PPP1R16B: variants seen among roughly 807,000 people sequenced by gnomAD.
PPP1R16B encodes protein phosphatase 1 regulatory subunit 16B, also known as protein phosphatase 1 regulatory inhibitor subunit 16B.
In PPP1R16B, 14 loss-of-function variants were observed where a neutral mutation model predicts 61.7. The ratio of observed to expected loss-of-function variants is 0.23; its 90% CI spans 0.15 to 0.35. The LOEUF (loss-of-function observed/expected upper bound fraction) is 0.35. PPP1R16B is among the 10% of genes least tolerant of loss of function. PPP1R16B has a pLI of 1.00. For synonymous variants in PPP1R16B, 266 were observed against 305.3 expected (o/e 0.87, Z 1.34); for missense variants, 547 against 752.5 (o/e 0.73, Z 3.19).
rs1379464930 is a variant in PPP1R16B at position 38,908,212 on chromosome 20, T to C, written c.1194+19T>C. On this transcript the variant is annotated intron_variant, in intron 10 of 10. Transcript: ENST00000299824. ...GGACCCTGTGAGTGGCCTCACGCCC[T>C]GCCCTAGTGTCAGCCACTGCAATGG... The C allele has an allele frequency of 6.2e-7, 1 of 1,613,590 alleles. No individual in the cohort carries two copies. The highest frequency in any genetic ancestry group is 1.7e-5 in the Admixed American group (1 of 59,984).
In PPP1R16B at chr20:38,920,796, G is replaced by A. The variant is rs961912769; in HGVS notation, c.*2130G>A. On this transcript the variant is annotated 3_prime_UTR_variant, in exon 11 of 11. Transcript: ENST00000299824. ...TGCTTCCCACGACCTTGCCATTTGG[G>A]GTGGGCTCTTCAACATCTCAGGCTG... 2 of 152,524 alleles carry A rather than the reference G, an allele frequency of 1.3e-5. No homozygotes were observed. The highest frequency in any genetic ancestry group is 4.8e-5 in the African/African-American group (2 of 41,446). 9.4% of individuals were successfully genotyped at this position (152,524 alleles called of 1,614,324 possible). A position where few individuals can be genotyped will look rare whatever the true frequency, so the allele number is the denominator to read the frequency against.
At chr20:38,817,894 A>G (rs1458922494) in intron 1 of PPP1R16B, among the ~76,000 whole-genome samples, 1 of 152,140 alleles carries the variant, frequency 6.6e-6, no homozygotes, top group Admixed American at 6.5e-5. Flanking sequence ...AATACAAAAA[A>G]TTAGCCGGGC....
At chr20:38,896,434 C>T (rs1233603048) in intron 4 of PPP1R16B, among the ~76,000 whole-genome samples, 2 of 151,878 alleles carry the variant, frequency 1.3e-5, no homozygotes, top group South Asian at 4.2e-4. Context: ...CTCTCACCCT[C>T]TCCTCCCCTC....
chr20:38,864,633 C>G (rs79176887), intron 2 of PPP1R16B, among the ~76,000 whole-genome samples: 11,937 of 152,254 alleles, frequency 0.078, 577 homozygotes, highest in Admixed American at 0.16. Context: ...AGCTGCCCCC[C>G]ACTGCAACCA....
rs1240413870 is a variant in PPP1R16B, at chr20:38,920,422, T to C, written c.*1756T>C. ...TTCTCAGTCTATGAGAAACTTGCCCTGAGGGGCACCTGGGCTAGGGGCTTG... is the reference window on the plus strand; with the variant it reads ...TTCTCAGTCTATGAGAAACTTGCCCCGAGGGGCACCTGGGCTAGGGGCTTG... On this transcript the variant is annotated 3_prime_UTR_variant, in exon 11 of 11. Transcript: ENST00000299824. The C allele has an allele frequency of 2.0e-5, 3 of 152,698 alleles. No homozygotes were observed. Among genetic ancestry groups the C allele is most frequent in the African/African-American group, 4.8e-5 (2 of 41,470 alleles). The allele number at this position is 152,698 out of a possible 1,614,324, so 9.5% of individuals were successfully genotyped here.
At chr20:38,856,011 T>G (rs1183812051) in intron 2 of PPP1R16B, among the ~76,000 whole-genome samples, 2 of 102,608 alleles carry the variant, frequency 1.9e-5, no homozygotes, top group Non-Finnish European at 3.9e-5. Flanking sequence ...AGGACAGACT[T>G]GCCCTGGCTG....
At position 38,858,393 on chromosome 20, in the gene PPP1R16B, C is replaced by T. The variant is rs116963574; in HGVS notation, c.250+22218C>T. On this transcript the variant is annotated intron_variant, in intron 2 of 10. Transcript: ENST00000299824. ...AGGCCTCAAAAGCTCGAAGCCCATT[C>T]CCGTGGCCTGGCTGCATTGAAGGAA... Among the ~76,000 whole-genome samples the T allele has an allele frequency of 1.5e-3, 233 of 152,152 alleles. 1 individual carries two copies. The highest frequency in any genetic ancestry group is 2.9e-3 in the Non-Finnish European group (199 of 68,004).
In PPP1R16B at chr20:38,921,269, T is replaced by C. The variant is rs2085595412; in HGVS notation, c.*2603T>C. The C allele has an allele frequency of 1.3e-5, 2 of 152,354 alleles. No individual in the cohort carries two copies. The highest frequency in any genetic ancestry group is 2.1e-4 in the South Asian group (1 of 4,832). The allele number at this position is 152,354 out of a possible 1,614,324, so 9.4% of individuals were successfully genotyped here. A position where few individuals can be genotyped will look rare whatever the true frequency, so the allele number is the denominator to read the frequency against. ...GGTCTCCTGGGTGTTGAGAGACAAG[T>C]TGGAGACCAACCTCCAATGAATGAG... On this transcript the variant is annotated 3_prime_UTR_variant, in exon 11 of 11. Transcript: ENST00000299824.
chr20:38,831,271 G>T (rs2084835430), intron 1 of PPP1R16B, among the ~76,000 whole-genome samples: 1 of 152,232 alleles, frequency 6.6e-6, no homozygotes, highest in Non-Finnish European at 1.5e-5. Context: ...CCCAGATCCT[G>T]GCATTGGGCT....
At chr20:38,863,472 TC>T (rs2085068580) in intron 2 of PPP1R16B, among the ~76,000 whole-genome samples, 1 of 152,318 alleles carries the variant, frequency 6.6e-6, no homozygotes, top group East Asian at 1.9e-4. Flanking sequence ...CGTGTCTGTC[TC>T]CCCGTAGCCT....
At chr20:38,895,522 A>C (rs1328156852) in intron 3 of PPP1R16B, 43 bp from the exon 4 acceptor site, 1 of 1,600,886 alleles carries the variant, frequency 6.2e-7, no homozygotes, top group Admixed American at 1.7e-5. Flanking sequence ...CCCGGGGCCC[A>C]GTGCCCTGCC....
At chr20:38,860,049 C>T (rs1192187229) in intron 2 of PPP1R16B, among the ~76,000 whole-genome samples, 1 of 152,202 alleles carries the variant, frequency 6.6e-6, no homozygotes, top group Non-Finnish European at 1.5e-5. Context: ...TCTAGGCTCA[C>T]TGCAACCTCC....
rs1320891887 is a variant in PPP1R16B at position 38,835,900 on chromosome 20, C to A, written c.-26C>A. On this transcript the variant is annotated 5_prime_UTR_variant, in exon 2 of 11. Coordinates refer to ENST00000299824, the MANE Select transcript of PPP1R16B (RefSeq NM_015568.4). The stretch of plus-strand genomic sequence containing the variant: ...CCCGGTGCACCGTGCTAGCCCCCAG[C>A]CAGGGCGTTGGGGAGGGCGGTGGCC... 7 of 1,519,996 alleles carry A rather than the reference C, an allele frequency of 4.6e-6. No homozygotes were observed. The highest frequency in any genetic ancestry group is 6.2e-6 in the Non-Finnish European group (7 of 1,136,166). The allele number at this position is 1,519,996 out of a possible 1,614,324, so 94.2% of individuals were successfully genotyped here.
intron 2 of PPP1R16B, among the ~76,000 whole-genome samples, chr20:38,855,941 T>TAG (rs1371645291): frequency 1.6e-3 from 41 of 25,356 alleles, no homozygotes; most frequent in Non-Finnish European, 1.9e-3. Context: ...TATATATATA[T>TAG]ATAGAGAGAG....
At chr20:38,807,382 G>A (rs1157173212) in intron 1 of PPP1R16B, among the ~76,000 whole-genome samples, 1 of 152,226 alleles carries the variant, frequency 6.6e-6, no homozygotes, top group Non-Finnish European at 1.5e-5. Context: ...AGCAGAGCGG[G>A]AGGATGAACA....
chr20:38,817,810 C>T (rs2084747470), intron 1 of PPP1R16B, among the ~76,000 whole-genome samples: 1 of 151,990 alleles, frequency 6.6e-6, no homozygotes, highest in Non-Finnish European at 1.5e-5. Context: ...TTTGGGAGGC[C>T]GAGGCGGGCG....
intron 4 of PPP1R16B, among the ~76,000 whole-genome samples, chr20:38,897,471 G>A (rs965456117): frequency 2.6e-5 from 4 of 152,194 alleles, no homozygotes; most frequent in Non-Finnish European, 5.9e-5. Context: ...TCCATTGTAT[G>A]TCTATACCAC....
At chr20:38,906,855 TG>T in intron 7 of PPP1R16B, 123 bp from the exon 8 acceptor site, 1 of 799,084 alleles carries the variant, frequency 1.3e-6, no homozygotes, top group Non-Finnish European at 2.1e-6. Context: ...AGGCCTTCCC[TG>T]GAAATCAACT....
At chr20:38,880,076 G>A (rs2085194031) in intron 2 of PPP1R16B, among the ~76,000 whole-genome samples, 1 of 152,152 alleles carries the variant, frequency 6.6e-6, no homozygotes, top group African/African-American at 2.4e-5. Context: ...ATTCACTTCT[G>A]CGGTCATCAG....
Sources: allele counts gnomAD v4.1 joint callset (sites outside exome capture counted in the v4.1 genomes callset), GRCh38; gene constraint gnomAD v4.1.1; transcripts MANE v1.5; gene names NCBI Gene and HGNC (gene_info 2026-07-23, HGNC 2026-07-21).